The following NCAM2 variants were observed in gnomAD, a reference collection of about 807,000 sequenced individuals.
NCAM2 encodes N-CAM-2.
A neutral mutation model predicts 98.1 loss-of-function variants in NCAM2; 30 were observed. That is an observed-to-expected ratio of 0.31 (90% CI 0.23 to 0.41). The LOEUF is 0.41. NCAM2 is among the 10% of genes least tolerant of loss of function. The pLI, the probability that NCAM2 is intolerant of heterozygous loss-of-function variation, is 1.00. For missense variants in NCAM2, 867 were observed against 1,005.8 expected (o/e 0.86, Z 1.87); for synonymous variants, 368 against 342.4 (o/e 1.07, Z -0.83).
In NCAM2 at chr21:21,070,264, A is replaced by AGT. The variant is rs533320771; in HGVS notation, c.55+71649_55+71650dup. ...CCTATATAACCTGATATATGTACAT[A>AGT]GTGTATATATATATATATATATAAT... On this transcript the variant is annotated intron_variant, in intron 1 of 17. Coordinates refer to ENST00000400546, the MANE Select transcript of NCAM2 (RefSeq NM_004540.5). Among the ~76,000 whole-genome samples the AGT allele has an allele frequency of 8.9e-4, 116 of 130,210 alleles. 1 individual carries two copies. Among genetic ancestry groups the AGT allele is most frequent in the African/African-American group, 3.1e-3 (106 of 34,144 alleles). The allele number at this position is 130,210 out of a possible 152,430, so 85.4% of individuals were successfully genotyped here.
chr21:21,455,827 A>G (rs548263990), intron 12 of NCAM2, among the ~76,000 whole-genome samples: 55 of 152,046 alleles, frequency 3.6e-4, no homozygotes, highest in African/African-American at 4.8e-4. Context: ...TAGAGAGATT[A>G]GAAGGTTTTT....
chr21:21,116,854 CAAAAG>C (rs2066571967), intron 1 of NCAM2, among the ~76,000 whole-genome samples: 1 of 142,448 alleles, frequency 7.0e-6, no homozygotes, highest in African/African-American at 2.6e-5. Context: ...GACTCCGTCT[CAAAAG>C]AAAAAAAAAA....
At chr21:21,443,434 T>C (rs200575688) in intron 12 of NCAM2, among the ~76,000 whole-genome samples, 37 of 150,946 alleles carry the variant, frequency 2.5e-4, no homozygotes, top group African/African-American at 9.0e-4. Flanking sequence ...ATTTTTTTTT[T>C]CTTTTTTCTT....
intron 1 of NCAM2, among the ~76,000 whole-genome samples, chr21:21,000,745 A>G (rs1427116751): frequency 1.3e-5 from 2 of 152,128 alleles, no homozygotes; most frequent in Non-Finnish European, 2.9e-5. Flanking sequence ...AAGGGAACAT[A>G]TAGTACTTCT....
intron 1 of NCAM2, among the ~76,000 whole-genome samples, chr21:21,096,022 A>G (rs1281875536): frequency 6.6e-6 from 1 of 151,628 alleles, no homozygotes; most frequent in East Asian, 1.9e-4. Context: ...TTTATGAGAA[A>G]CAGGAAAGAC....
chr21:21,316,102 T>C (rs190347590), intron 5 of NCAM2, among the ~76,000 whole-genome samples: 1 of 152,326 alleles, frequency 6.6e-6, no homozygotes, highest in East Asian at 1.9e-4. Flanking sequence ...TTAGGATTCT[T>C]ACTGCCTTTT....
At chr21:20,999,240 C>A (rs1003447674) in intron 1 of NCAM2, among the ~76,000 whole-genome samples, 2 of 151,866 alleles carry the variant, frequency 1.3e-5, no homozygotes, top group Admixed American at 1.3e-4. Flanking sequence ...TCATTTTGAC[C>A]CCAACCCCTT....
At chr21:21,366,583 T>C (rs547662369) in intron 8 of NCAM2, among the ~76,000 whole-genome samples, 4 of 152,198 alleles carry the variant, frequency 2.6e-5, no homozygotes, top group Admixed American at 2.6e-4. Context: ...TTAAGTATGC[T>C]ATAGCAGCAT....
At chr21:21,136,982 G>A (rs2067069931) in intron 1 of NCAM2, among the ~76,000 whole-genome samples, 1 of 151,722 alleles carries the variant, frequency 6.6e-6, no homozygotes, top group South Asian at 2.1e-4. Context: ...ACTGGCGAGT[G>A]CCACTTTATG....
At chr21:21,131,165 C>T (rs1240412427) in intron 1 of NCAM2, among the ~76,000 whole-genome samples, 1 of 151,962 alleles carries the variant, frequency 6.6e-6, no homozygotes, top group South Asian at 2.1e-4. Flanking sequence ...ACATTTCTAA[C>T]TGATCATTGG....
At chr21:21,507,970 C>T (rs908463055) in intron 15 of NCAM2, among the ~76,000 whole-genome samples, 18 of 152,098 alleles carry the variant, frequency 1.2e-4, no homozygotes, top group Non-Finnish European at 2.6e-4. Context: ...GCTGCGGAGT[C>T]TACCCTCAGA....
intron 1 of NCAM2, among the ~76,000 whole-genome samples, chr21:21,199,023 C>G (rs1173274014): frequency 6.6e-6 from 1 of 152,028 alleles, no homozygotes; most frequent in African/African-American, 2.4e-5. Context: ...GATTTTTGTC[C>G]TAGGATTTAA....
chr21:21,427,783 A>C (rs1386741191), intron 11 of NCAM2, among the ~76,000 whole-genome samples: 2 of 152,224 alleles, frequency 1.3e-5, no homozygotes, highest in African/African-American at 2.4e-5. Context: ...TATTGTATCC[A>C]TTACCTGCCA....
chr21:21,421,466 G>A (rs2077110311), intron 11 of NCAM2, among the ~76,000 whole-genome samples: 2 of 152,034 alleles, frequency 1.3e-5, no homozygotes, highest in South Asian at 4.1e-4. Context: ...TTAGAAAAAG[G>A]TGGATTCAGT....
At chr21:21,494,840 T>A (rs1987104210) in intron 15 of NCAM2, among the ~76,000 whole-genome samples, 1 of 151,878 alleles carries the variant, frequency 6.6e-6, no homozygotes, top group Admixed American at 6.6e-5. Flanking sequence ...TATTTATTTT[T>A]AAAATTTTTA....
At chr21:21,260,830 T>TCC (rs2071868896) in intron 1 of NCAM2, among the ~76,000 whole-genome samples, 1 of 152,074 alleles carries the variant, frequency 6.6e-6, no homozygotes, top group Non-Finnish European at 1.5e-5. Context: ...AACAGCACTA[T>TCC]CACAGGAACA....
intron 1 of NCAM2, among the ~76,000 whole-genome samples, chr21:21,144,196 A>G (rs1291239171): frequency 6.6e-6 from 1 of 151,932 alleles, no homozygotes; most frequent in Non-Finnish European, 1.5e-5. Flanking sequence ...AAAAATATAA[A>G]AAATTAGCCA....
intron 16 of NCAM2, among the ~76,000 whole-genome samples, chr21:21,510,279 A>G (rs529091718): frequency 1.6e-4 from 24 of 152,268 alleles, no homozygotes; most frequent in Admixed American, 1.3e-3. Context: ...ACACAAAGCC[A>G]TATCACAATT....
chr21:21,447,620 G>C (rs1167322761), intron 12 of NCAM2, among the ~76,000 whole-genome samples: 5 of 151,982 alleles, frequency 3.3e-5, no homozygotes, highest in Admixed American at 2.0e-4. Flanking sequence ...CTACAGAGTG[G>C]GAGAAAATGT....
Sources: allele counts gnomAD v4.1 joint callset (sites outside exome capture counted in the v4.1 genomes callset), GRCh38; gene constraint gnomAD v4.1.1; transcripts MANE v1.5; gene names NCBI Gene and HGNC (gene_info 2026-07-23, HGNC 2026-07-21).